The following C12orf60 variants were observed in gnomAD, a reference collection of about 807,000 sequenced individuals.
C12orf60 encodes chromosome 12 open reading frame 60.
For missense variants in C12orf60, 284 were observed against 283.2 expected (o/e 1.00, Z -0.02); for synonymous variants, 102 against 94.6 (o/e 1.08, Z -0.45).
At chr12:14,805,492 A>G (rs1224400419) in intron 1 of C12orf60, 1 of 152,910 alleles carries the variant, frequency 6.5e-6, no homozygotes. Flanking sequence ...AGTCTCTTCT[A>G]GTTTACAGAA....
chr12:14,805,956 C>T (rs770717856), intron 1 of C12orf60: 1 of 1,524,614 alleles, frequency 6.6e-7, no homozygotes, highest in African/African-American at 1.4e-5. Flanking sequence ...AACACTGTTA[C>T]TGAAAAGGAA....
chr12:14,816,628 G>T (rs74346163), intron 1 of C12orf60, among the ~76,000 whole-genome samples: 3 of 151,930 alleles, frequency 2.0e-5, no homozygotes, highest in African/African-American at 7.3e-5. Flanking sequence ...CCTGCCTCTT[G>T]CAAAATTGCT....
intron 1 of C12orf60, 37 bp downstream of exon 1, chr12:14,803,788 A>G (rs1304088807): frequency 3.2e-6 from 1 of 308,904 alleles, no homozygotes; most frequent in East Asian, 5.2e-5. Flanking sequence ...CATTCTGCAG[A>G]TAAAGAAGCG....
At chr12:14,822,098 C>T (rs1452743145) in intron 1 of C12orf60, among the ~76,000 whole-genome samples, 5 of 114,432 alleles carry the variant, frequency 4.4e-5, no homozygotes, top group African/African-American at 1.4e-4. Flanking sequence ...CCTCTGGTCA[C>T]GACTAGTTGG....
At chr12:14,806,332 T>G (rs1204504134) in intron 1 of C12orf60, 1 of 1,614,208 alleles carries the variant, frequency 6.2e-7, no homozygotes, top group East Asian at 2.2e-5. Flanking sequence ...ATGACCGAAA[T>G]AACCTTTTGC....
At chr12:14,822,509 G>A (rs750419659) in intron 1 of C12orf60, among the ~76,000 whole-genome samples, 1 of 152,138 alleles carries the variant, frequency 6.6e-6, no homozygotes, top group Non-Finnish European at 1.5e-5. Flanking sequence ...TAATCAGTAG[G>A]AAAGATCAGA....
chr12:14,805,422 T>C (rs1351780911), intron 1 of C12orf60: 1 of 152,356 alleles, frequency 6.6e-6, no homozygotes, highest in Non-Finnish European at 1.5e-5. Context: ...GTGTAATCAG[T>C]AGACGTTTAC....
rs1278850482 is a variant in C12orf60, at chr12:14,815,589, C to T, written c.-24-7323C>T. ...ATTTCATTCTGTAGATAATAATGAA[C>T]CATTAAAAAATCCTTTTAATTATGG... On this transcript the variant is annotated intron_variant, in intron 1 of 1. Coordinates refer to ENST00000330828, the MANE Select transcript of C12orf60 (RefSeq NM_175874.4). Among the ~76,000 whole-genome samples the T allele has an allele frequency of 2.0e-5, 3 of 152,072 alleles. No individual in the cohort carries two copies. The East Asian group carries it at 5.8e-4, about 29-fold the overall frequency.
Position 14,823,188 on chromosome 12 carries a change from T to A in C12orf60, c.253T>A (p.Ser85Thr). The A allele has an allele frequency of 6.2e-7, 1 of 1,613,510 alleles. No homozygotes were observed. Among genetic ancestry groups the A allele is most frequent in the Non-Finnish European group, 8.5e-7 (1 of 1,179,902 alleles). The stretch of plus-strand genomic sequence containing the variant: ...AAGACATGACAAAATTCAAAAGGAG[T>A]CTTTATGTTCCAAGGTTGCAATGGC... ...DARHDKIQKE[S>T]LCSKVAMAMC... The change falls in exon 2 of 2, where the codon TCT becomes ACT. Residue 85 changes from serine to threonine, a missense_variant. Ser to Thr is a moderately conservative substitution (Grantham distance 58). Transcript: ENST00000330828.
At position 14,822,325 on chromosome 12, in the gene C12orf60, C is replaced by T. The variant is rs551645607; in HGVS notation, c.-24-587C>T. The stretch of plus-strand genomic sequence containing the variant: ...AGCAGGAGAAGACAAACGACAACAA[C>T]AACAACAACAACAACAACAAACACA... On this transcript the variant is annotated intron_variant, in intron 1 of 1. Coordinates refer to ENST00000330828, the MANE Select transcript of C12orf60 (RefSeq NM_175874.4). Among the ~76,000 whole-genome samples, 23 of 151,658 alleles carry T rather than the reference C, an allele frequency of 1.5e-4. No individual in the cohort carries two copies. The East Asian group carries it at 4.1e-3, about 27-fold the overall frequency.
chr12:14,822,846 T>G, intron 1 of C12orf60, 66 bp from the exon 2 acceptor site: 1 of 1,365,152 alleles, frequency 7.3e-7, no homozygotes, highest in Middle Eastern at 2.2e-4. Flanking sequence ...AGACTATACT[T>G]TCAGTTTCTT....
chr12:14,812,751 A>C (rs1476217336), intron 1 of C12orf60, among the ~76,000 whole-genome samples: 2 of 151,976 alleles, frequency 1.3e-5, no homozygotes, highest in African/African-American at 4.8e-5. Flanking sequence ...TCCTGCTATA[A>C]AATTTTTACA....
At chr12:14,815,934 C>G (rs1444210956) in intron 1 of C12orf60, among the ~76,000 whole-genome samples, 1 of 152,190 alleles carries the variant, frequency 6.6e-6, no homozygotes, top group African/African-American at 2.4e-5. Context: ...TAAGGATAAA[C>G]AGTAACAATG....
intron 1 of C12orf60, among the ~76,000 whole-genome samples, chr12:14,818,467 G>A (rs1179447000): frequency 6.6e-6 from 1 of 152,138 alleles, no homozygotes; most frequent in African/African-American, 2.4e-5. Flanking sequence ...ATGTTAAATT[G>A]CCTTTGCATC....
intron 1 of C12orf60, among the ~76,000 whole-genome samples, chr12:14,817,578 G>A (rs149719411): frequency 1.9e-3 from 283 of 152,270 alleles, no homozygotes; most frequent in Non-Finnish European, 3.0e-3. Flanking sequence ...AGAACACGTG[G>A]TGTTTGGTTT....
chr12:14,809,060 T>A (rs556046835), intron 1 of C12orf60, among the ~76,000 whole-genome samples: 1 of 152,220 alleles, frequency 6.6e-6, no homozygotes, highest in Non-Finnish European at 1.5e-5. Flanking sequence ...AGTTTCTGAC[T>A]GACAGGAGAA....
rs1376696078 is a variant in C12orf60, at chr12:14,823,370, A to T, written c.435A>T (p.Lys145Asn). The change falls in exon 2 of 2, where the codon AAA becomes AAT. Residue 145 changes from lysine to asparagine, a missense_variant. Coordinates refer to ENST00000330828, the MANE Select transcript of C12orf60 (RefSeq NM_175874.4). Reference sequence around the variant, plus strand: ...AATCTTCTCTTTCACACTTGATGAAATTCCCCATCATGAATCTTCAATTAA... The same window carrying T: ...AATCTTCTCTTTCACACTTGATGAATTTCCCCATCATGAATCTTCAATTAA... ...SLESSLSHLMKFPIMNLQLSD... is the reference protein window; with the variant it reads ...SLESSLSHLMNFPIMNLQLSD... 1.2e-6 allele frequency: 2 copies of T among 1,614,116 alleles called. No homozygotes were observed. The highest frequency in any genetic ancestry group is 2.7e-5 in the African/African-American group (2 of 75,044).
At chr12:14,814,014 C>T (rs1950180650) in intron 1 of C12orf60, 1 of 152,070 alleles carries the variant, frequency 6.6e-6, no homozygotes, top group Non-Finnish European at 1.5e-5. Context: ...TGTTTTTTTA[C>T]TTTATTTTAT....
Position 14,823,265 on chromosome 12 carries a change from A to T in C12orf60, c.330A>T (p.Ser110=), listed in dbSNP as rs778660432. ...CCAATGTAGAGGAGTTGCATCAGTC[A>T]GCTAAAGAAGTATTCAAAAGTGCCC... ...KSTNVEELHQ[S]AKEVFKSAHT... Residue 110 remains serine (S), a synonymous_variant, in exon 2 of 2, where the codon TCA becomes TCT. Coordinates refer to ENST00000330828, the MANE Select transcript of C12orf60 (RefSeq NM_175874.4). The T allele has an allele frequency of 6.2e-7, 1 of 1,614,142 alleles. No homozygotes were observed. The highest frequency in any genetic ancestry group is 8.5e-7 in the Non-Finnish European group (1 of 1,179,992).
Sources: allele counts gnomAD v4.1 joint callset (sites outside exome capture counted in the v4.1 genomes callset), GRCh38; gene constraint gnomAD v4.1.1; transcripts MANE v1.5; gene names NCBI Gene and HGNC (gene_info 2026-07-23, HGNC 2026-07-21).